The following SEMA3E variants were observed in gnomAD, a reference collection of about 807,000 sequenced individuals.
The protein encoded by SEMA3E is semaphorin-3E.
Under a neutral mutation model 93.6 loss-of-function variants are expected in SEMA3E, and 49 were observed. The observed-to-expected ratio is 0.52, with a 90% confidence interval of 0.42 to 0.66. The LOEUF (loss-of-function observed/expected upper bound fraction) is 0.66. Among genes scored for constraint, SEMA3E ranks in the 30% least tolerant of loss-of-function variants. SEMA3E has a pLI of 0.00. For missense variants in SEMA3E, 906 were observed against 964.8 expected (o/e 0.94, Z 0.81); for synonymous variants, 363 against 330.7 (o/e 1.10, Z -1.06).
intron 1 of SEMA3E, among the ~76,000 whole-genome samples, chr7:83,517,480 G>T (rs1399653900): frequency 6.6e-6 from 1 of 152,102 alleles, no homozygotes; most frequent in Non-Finnish European, 1.5e-5. Context: ...TTTTGACAGG[G>T]ATAAAAGAAA....
intron 1 of SEMA3E, among the ~76,000 whole-genome samples, chr7:83,539,158 C>T (rs1791466858): frequency 6.6e-6 from 1 of 152,124 alleles, no homozygotes; most frequent in Non-Finnish European, 1.5e-5. Context: ...ACAAATGATA[C>T]ATTTAATCCT....
At chr7:83,613,469 C>T (rs544267446) in intron 1 of SEMA3E, among the ~76,000 whole-genome samples, 1 of 152,140 alleles carries the variant, frequency 6.6e-6, no homozygotes, top group South Asian at 2.1e-4. Flanking sequence ...TCTTTCTTTA[C>T]TCATTTCATC....
At chr7:83,372,297 A>G (rs1203128388) in intron 16 of SEMA3E, 1 of 398,130 alleles carries the variant, frequency 2.5e-6, no homozygotes. Context: ...CCTGAAAAAA[A>G]AAATGCATAC....
At chr7:83,641,666 A>G (rs1751952615) in intron 1 of SEMA3E, among the ~76,000 whole-genome samples, 1 of 152,200 alleles carries the variant, frequency 6.6e-6, no homozygotes, top group African/African-American at 2.4e-5. Context: ...ATCTACTCTA[A>G]TAAGAGCTGG....
intron 4 of SEMA3E, among the ~76,000 whole-genome samples, chr7:83,451,070 GA>G (rs1789349795): frequency 6.6e-6 from 1 of 152,124 alleles, no homozygotes; most frequent in African/African-American, 2.4e-5. Context: ...CATGAGATCT[GA>G]TGACATCATA....
chr7:83,500,099 T>C (rs1176512337), intron 1 of SEMA3E, among the ~76,000 whole-genome samples: 1 of 152,184 alleles, frequency 6.6e-6, no homozygotes, highest in Non-Finnish European at 1.5e-5. Flanking sequence ...CAAGAATATA[T>C]ATGAACTACT....
At chr7:83,593,252 C>CTCTCTG (rs1562846630) in intron 1 of SEMA3E, among the ~76,000 whole-genome samples, 1 of 120,672 alleles carries the variant, frequency 8.3e-6, no homozygotes, top group Non-Finnish European at 1.6e-5. Flanking sequence ...CTCTTTCTCT[C>CTCTCTG]TCTCTCTGTC....
Position 83,490,140 on chromosome 7 carries a change from C to G in SEMA3E, c.250G>C (p.Glu84Gln). Residue 84 changes from glutamate (E) to glutamine (Q), a missense_variant, in exon 2 of 17, where the codon GAG becomes CAG. Physicochemically the swap from Glu to Gln is conservative, Grantham distance 29. Coordinates refer to ENST00000643230, the MANE Select transcript of SEMA3E (RefSeq NM_012431.3). ...TCTTTATAGCCGTCACTGATTCTCT[C>G]CAAGCTGAGGGAATATACAAGGTCC... ...GRDLVYSLSL[E>Q]RISDGYKEIH... The G allele has an allele frequency of 6.2e-7, 1 of 1,612,878 alleles. No individual in the cohort carries two copies. Among genetic ancestry groups the G allele is most frequent in the Non-Finnish European group, 8.5e-7 (1 of 1,179,318 alleles).
rs143975878 is a variant in SEMA3E, at chr7:83,614,511, T to C, written c.115+33917A>G. Among the ~76,000 whole-genome samples the C allele has an allele frequency of 1.7e-3, 266 of 152,232 alleles. 2 individuals are homozygous for C. The highest frequency in any genetic ancestry group is 0.017 in the Middle Eastern group (5 of 294). On this transcript the variant is annotated intron_variant, in intron 1 of 16. Coordinates refer to ENST00000643230, the MANE Select transcript of SEMA3E (RefSeq NM_012431.3). The stretch of plus-strand genomic sequence containing the variant: ...CAAAAATATTTTCTTCACAAATAAG[T>C]GTGTTGCCAGTTATCAGTCAAGAGA...
intron 4 of SEMA3E, among the ~76,000 whole-genome samples, chr7:83,453,815 T>C (rs1022334902): frequency 1.6e-4 from 25 of 152,124 alleles, no homozygotes; most frequent in Non-Finnish European, 3.2e-4. Context: ...AAAGTCTAGT[T>C]TAATATATAA....
intron 1 of SEMA3E, among the ~76,000 whole-genome samples, chr7:83,640,264 C>T (rs1793978599): frequency 6.6e-6 from 1 of 152,186 alleles, no homozygotes; most frequent in Non-Finnish European, 1.5e-5. Context: ...GTAAATAAAA[C>T]CCCCTTTTTA....
intron 1 of SEMA3E, among the ~76,000 whole-genome samples, chr7:83,534,391 A>T (rs1284747768): frequency 2.6e-5 from 4 of 152,284 alleles, no homozygotes; most frequent in East Asian, 1.9e-4. Context: ...GTTTCTAAGG[A>T]CTATGGCTTT....
intron 1 of SEMA3E, among the ~76,000 whole-genome samples, chr7:83,599,236 A>G (rs1198983982): frequency 1.3e-5 from 2 of 152,210 alleles, no homozygotes; most frequent in Non-Finnish European, 2.9e-5. Context: ...CTTTTCTAAA[A>G]TAGTAAATCT....
At chr7:83,552,082 CAT>C (rs1365381065) in intron 1 of SEMA3E, among the ~76,000 whole-genome samples, 1 of 152,078 alleles carries the variant, frequency 6.6e-6, no homozygotes, top group Non-Finnish European at 1.5e-5. Flanking sequence ...CCCTGAAAAA[CAT>C]ATATACTCCC....
chr7:83,457,520 C>T (rs954242479), intron 4 of SEMA3E, among the ~76,000 whole-genome samples: 1 of 152,166 alleles, frequency 6.6e-6, no homozygotes, highest in African/African-American at 2.4e-5. Context: ...TGTTTGACAT[C>T]AGACAAAATG....
intron 6 of SEMA3E, 71 bp from the exon 7 acceptor site, chr7:83,407,310 A>G (rs1788349667): frequency 1.6e-6 from 2 of 1,268,898 alleles, no homozygotes; most frequent in African/African-American, 1.5e-5. Context: ...TTATTCCAAT[A>G]AATTGTATAT....
At position 83,363,859 on chromosome 7, in the gene SEMA3E, CATTTTTTTTTTTTT is replaced by C. The variant is rs1794621768; in HGVS notation, c.*3713_*3726del. ...AGGCTACAGGTGTCACAGGTCAATT[CATTTTTTTTTTTTT>C]TTTTTTTTTTTTTTTTTTTTTTTTT... On this transcript the variant is annotated 3_prime_UTR_variant, in exon 17 of 17. Coordinates refer to ENST00000643230, the MANE Select transcript of SEMA3E (RefSeq NM_012431.3). 1.1e-4 allele frequency: 11 copies of C among 100,552 alleles called. 1 individual carries two copies. The highest frequency in any genetic ancestry group is 3.7e-4 in the African/African-American group (8 of 21,448). 6.2% of individuals were successfully genotyped at this position (100,552 alleles called of 1,614,324 possible).
At chr7:83,452,961 T>C (rs112419449) in intron 4 of SEMA3E, among the ~76,000 whole-genome samples, 1 of 152,158 alleles carries the variant, frequency 6.6e-6, no homozygotes, top group Admixed American at 6.5e-5. Context: ...CATACTCCAA[T>C]GGATAAAATG....
chr7:83,483,378 TAATA>T (rs1790187652), intron 2 of SEMA3E, among the ~76,000 whole-genome samples: 1 of 152,196 alleles, frequency 6.6e-6, no homozygotes. Flanking sequence ...CTTAATATGT[TAATA>T]AATAAGGTAT....
Sources: allele counts gnomAD v4.1 joint callset (sites outside exome capture counted in the v4.1 genomes callset), GRCh38; gene constraint gnomAD v4.1.1; transcripts MANE v1.5; gene names NCBI Gene and HGNC (gene_info 2026-07-23, HGNC 2026-07-21).